NTM: variants seen among roughly 807,000 people sequenced by gnomAD.
NTM encodes neurotrimin.
Under a neutral mutation model 42.1 loss-of-function variants are expected in NTM, and 13 were observed. The observed-to-expected ratio is 0.31, with a 90% CI of 0.20 to 0.49. The LOEUF is 0.49. Among genes scored for constraint, NTM ranks in the 20% least tolerant of loss-of-function variants. The pLI is 0.99. For synonymous variants in NTM, 187 were observed against 179.2 expected (o/e 1.04, Z -0.35); for missense variants, 373 against 452.8 (o/e 0.82, Z 1.60).
At chr11:132,280,038 C>A (rs1395688188) in intron 4 of NTM, among the ~76,000 whole-genome samples, 2 of 152,200 alleles carry the variant, frequency 1.3e-5, no homozygotes, top group African/African-American at 4.8e-5. Flanking sequence ...CTGTCTCCAG[C>A]TCATGGTACA....
intron 1 of NTM, among the ~76,000 whole-genome samples, chr11:131,860,570 G>A (rs772662737): frequency 1.4e-4 from 21 of 152,126 alleles, no homozygotes; most frequent in Admixed American, 3.9e-4. Context: ...AGGAAAATAC[G>A]TATTCAGCAT....
intron 2 of NTM, among the ~76,000 whole-genome samples, chr11:132,033,927 C>T (rs1490173295): frequency 6.6e-6 from 1 of 152,168 alleles, no homozygotes; most frequent in Non-Finnish European, 1.5e-5. Flanking sequence ...ACAAACTGGT[C>T]ATTACAACCT....
At chr11:131,874,302 G>C (rs1270927587) in intron 1 of NTM, among the ~76,000 whole-genome samples, 1 of 151,514 alleles carries the variant, frequency 6.6e-6, no homozygotes, top group Non-Finnish European at 1.5e-5. Flanking sequence ...GTGGCATGCT[G>C]TGTTTTATCA....
At chr11:132,051,600 A>G (rs1267455784) in intron 2 of NTM, among the ~76,000 whole-genome samples, 3 of 152,146 alleles carry the variant, frequency 2.0e-5, no homozygotes, top group Non-Finnish European at 4.4e-5. Flanking sequence ...TGCCTGGACC[A>G]GCAGCCCCTA....
At chr11:131,916,396 TA>T (rs1405817506) in intron 2 of NTM, among the ~76,000 whole-genome samples, 1 of 152,212 alleles carries the variant, frequency 6.6e-6, no homozygotes, top group Non-Finnish European at 1.5e-5. Flanking sequence ...GGCAGGTGGG[TA>T]TCAGAGGCTG....
At chr11:132,007,262 T>C (rs2071010226) in intron 2 of NTM, among the ~76,000 whole-genome samples, 1 of 152,204 alleles carries the variant, frequency 6.6e-6, no homozygotes. Flanking sequence ...CAGTGGCCCT[T>C]TATTTTTGAA....
chr11:132,077,682 C>G (rs75532991), intron 2 of NTM, among the ~76,000 whole-genome samples: 1,698 of 152,276 alleles, frequency 0.011, 43 homozygotes, highest in African/African-American at 0.038. Flanking sequence ...GTGTGTTTAC[C>G]AGACAGTGGT....
intron 1 of NTM, among the ~76,000 whole-genome samples, chr11:131,521,616 G>A (rs2049738421): frequency 6.6e-6 from 1 of 151,680 alleles, no homozygotes; most frequent in African/African-American, 2.4e-5. Context: ...GGAACTAACA[G>A]CAAGAACTCA....
chr11:131,968,788 T>C (rs571867436), intron 2 of NTM, among the ~76,000 whole-genome samples: 1 of 152,322 alleles, frequency 6.6e-6, no homozygotes, highest in East Asian at 1.9e-4. Context: ...GCATTTCGTA[T>C]AGAGCTTTTA....
chr11:132,257,695 G>T (rs1175373868), intron 4 of NTM, among the ~76,000 whole-genome samples: 2 of 152,132 alleles, frequency 1.3e-5, no homozygotes, highest in Non-Finnish European at 2.9e-5. Context: ...AATTATTTTT[G>T]CCCATCTTAC....
intron 2 of NTM, among the ~76,000 whole-genome samples, chr11:132,121,734 C>A (rs868207910): frequency 2.6e-5 from 4 of 152,196 alleles, no homozygotes; most frequent in East Asian, 3.9e-4. Context: ...GTTCCTCCCC[C>A]CTCTCTCGAA....
chr11:131,964,728 G>A (rs1242242447), intron 2 of NTM, among the ~76,000 whole-genome samples: 4 of 152,136 alleles, frequency 2.6e-5, no homozygotes, highest in Admixed American at 2.0e-4. Flanking sequence ...CCTGGGTGAG[G>A]CTCCCTGGGT....
intron 2 of NTM, among the ~76,000 whole-genome samples, chr11:131,949,739 G>A (rs1416775340): frequency 6.6e-6 from 1 of 152,062 alleles, no homozygotes; most frequent in Non-Finnish European, 1.5e-5. Flanking sequence ...TTATTTGAAT[G>A]TCCCGGCCCA....
chr11:131,654,999 C>G (rs868484128), intron 1 of NTM, among the ~76,000 whole-genome samples: 14 of 152,160 alleles, frequency 9.2e-5, no homozygotes, highest in Middle Eastern at 3.2e-3. Context: ...ATCGGAAATG[C>G]TGGGCCTGGG....
chr11:132,222,866 C>G (rs976659879), intron 4 of NTM, among the ~76,000 whole-genome samples: 6 of 152,292 alleles, frequency 3.9e-5, no homozygotes, highest in Admixed American at 6.5e-5. Context: ...ATTCAGGACT[C>G]CCCCTGTTTA....
At chr11:131,413,569 A>G (rs1435713677) in intron 1 of NTM, among the ~76,000 whole-genome samples, 2 of 152,204 alleles carry the variant, frequency 1.3e-5, no homozygotes, top group East Asian at 3.9e-4. Flanking sequence ...TTTCTCCCCA[A>G]GTGGGAATCT....
chr11:131,517,602 C>A (rs542321529), intron 1 of NTM, among the ~76,000 whole-genome samples: 1 of 152,126 alleles, frequency 6.6e-6, no homozygotes, highest in Non-Finnish European at 1.5e-5. Context: ...TTTTTCCCTT[C>A]TTTTGTTTTT....
At chr11:131,405,596 T>C (rs1385284364) in intron 1 of NTM, among the ~76,000 whole-genome samples, 6 of 152,084 alleles carry the variant, frequency 3.9e-5, no homozygotes, top group African/African-American at 1.4e-4. Context: ...ACTCCTGCAG[T>C]TGCCTCCAGG....
intron 1 of NTM, among the ~76,000 whole-genome samples, chr11:131,553,163 G>A (rs577712218): frequency 1.8e-4 from 28 of 152,214 alleles, no homozygotes; most frequent in African/African-American, 6.5e-4. Flanking sequence ...TGTTTGATGG[G>A]GAAGGGGCAG....
Sources: gnomAD v4.1 joint callset for allele counts (sites outside exome capture counted in the v4.1 genomes callset) on GRCh38, gnomAD v4.1.1 for gene constraint, MANE v1.5 for transcripts, NCBI Gene and HGNC (gene_info 2026-07-23, HGNC 2026-07-21) for gene names.